ZNF804B: variants seen among roughly 807,000 people sequenced by gnomAD.
ZNF804B encodes zinc finger protein 804B.
ZNF804B carries 80 observed loss-of-function variants against 101.4 expected under a neutral mutation model. The observed-to-expected ratio is 0.79, with a 90% CI of 0.66 to 0.95. The LOEUF is 0.95. Ranked by LOEUF, ZNF804B falls within the 40% of genes least tolerant of loss-of-function variation. ZNF804B has a pLI of 0.00. For synonymous variants in ZNF804B, 622 were observed against 558.8 expected (o/e 1.11, Z -1.59); for missense variants, 1,673 against 1,561.9 (o/e 1.07, Z -1.20).
At chr7:89,231,577 CAT>C (rs1170557241) in intron 2 of ZNF804B, among the ~76,000 whole-genome samples, 1 of 152,008 alleles carries the variant, frequency 6.6e-6, no homozygotes, top group Non-Finnish European at 1.5e-5. Context: ...CCAATTTATA[CAT>C]ATATGTCTCT....
intron 1 of ZNF804B, among the ~76,000 whole-genome samples, chr7:88,874,127 G>C (rs1327045482): frequency 6.6e-6 from 1 of 152,064 alleles, no homozygotes; most frequent in African/African-American, 2.4e-5. Context: ...CCATTTGTTT[G>C]TATCCTCTTT....
chr7:89,308,067 G>T (rs1211319771), intron 2 of ZNF804B, among the ~76,000 whole-genome samples: 3 of 152,076 alleles, frequency 2.0e-5, no homozygotes, highest in Admixed American at 1.3e-4. Flanking sequence ...CTTCTGATCA[G>T]TTTCACTTGC....
intron 1 of ZNF804B, among the ~76,000 whole-genome samples, chr7:88,892,317 GT>G (rs1253892376): frequency 6.6e-6 from 1 of 151,862 alleles, no homozygotes; most frequent in Non-Finnish European, 1.5e-5. Context: ...GGGAGTATTT[GT>G]TTTTTGGGTT....
At chr7:88,925,163 T>G (rs962232224) in intron 1 of ZNF804B, among the ~76,000 whole-genome samples, 1 of 152,144 alleles carries the variant, frequency 6.6e-6, no homozygotes, top group Admixed American at 6.6e-5. Context: ...TAGCAATAAT[T>G]AGATCTTAGA....
chr7:89,249,170 A>T (rs988974196), intron 2 of ZNF804B, among the ~76,000 whole-genome samples: 1 of 152,198 alleles, frequency 6.6e-6, no homozygotes, highest in Non-Finnish European at 1.5e-5. Flanking sequence ...AGACCTATGG[A>T]AAGATGTAGA....
At chr7:88,973,028 T>C (rs188908857) in intron 1 of ZNF804B, among the ~76,000 whole-genome samples, 52 of 151,474 alleles carry the variant, frequency 3.4e-4, no homozygotes, top group African/African-American at 1.2e-3. Flanking sequence ...CACATAGATA[T>C]CCTGCAGTAA....
At position 89,334,083 on chromosome 7, in the gene ZNF804B, C is replaced by A; in HGVS notation, c.1101C>A (p.Phe367Leu). 1 of 1,613,696 alleles carries A rather than the reference C, an allele frequency of 6.2e-7. No homozygotes were observed. Among genetic ancestry groups the A allele is most frequent in the Non-Finnish European group, 8.5e-7 (1 of 1,179,820 alleles). The change falls in exon 4 of 4, where the codon TTC becomes TTA. Residue 367 changes from phenylalanine (F) to leucine (L), a missense_variant. Coordinates refer to ENST00000333190, the MANE Select transcript of ZNF804B (RefSeq NM_181646.5). Reference sequence around the variant, plus strand: ...ACCCATGCCAAGCAAATGCTTCCTTCAGCCCACCAAACATTTACAACCATA... The same window carrying A: ...ACCCATGCCAAGCAAATGCTTCCTTAAGCCCACCAAACATTTACAACCATA... ...VNHPCQANASFSPPNIYNHSD... is the reference protein window; with the variant it reads ...VNHPCQANASLSPPNIYNHSD...
rs970143624 is a variant in ZNF804B, at chr7:88,974,358, TAAG to T, written c.108+214277_108+214279del. Among the ~76,000 whole-genome samples, 3 of 151,336 alleles carry T rather than the reference TAAG, an allele frequency of 2.0e-5. No individual in the cohort carries two copies. In the Admixed American group the frequency reaches 2.0e-4, roughly 10 times the overall value. On this transcript the variant is annotated intron_variant, in intron 1 of 3. Coordinates refer to ENST00000333190, the MANE Select transcript of ZNF804B (RefSeq NM_181646.5). ...AATATATTGTATTATTGAAAGATGT[TAAG>T]AAAGTGGATGTAAAGCATTCTTACA...
chr7:88,868,050 T>TGTGTGTGTGTGTGTGA, intron 1 of ZNF804B, among the ~76,000 whole-genome samples: 1 of 38,452 alleles, frequency 2.6e-5, no homozygotes. Context: ...TGTGTGTGAG[T>TGTGTGTGTGTGTGTGA]GTGTGTGTGT....
intron 1 of ZNF804B, among the ~76,000 whole-genome samples, chr7:88,764,973 T>C (rs1789958394): frequency 6.6e-6 from 1 of 152,138 alleles, no homozygotes; most frequent in Admixed American, 6.5e-5. Flanking sequence ...TAAAGCAACC[T>C]CCTTTCTTGT....
intron 2 of ZNF804B, among the ~76,000 whole-genome samples, chr7:89,258,059 C>G (rs1354459013): frequency 6.6e-6 from 1 of 151,170 alleles, no homozygotes; most frequent in Non-Finnish European, 1.5e-5. Context: ...AAACTGAAGA[C>G]TGAACATATT....
chr7:88,853,947 A>C (rs1235916497), intron 1 of ZNF804B, among the ~76,000 whole-genome samples: 2 of 152,176 alleles, frequency 1.3e-5, no homozygotes, highest in Non-Finnish European at 2.9e-5. Context: ...GGGCTGTTAA[A>C]ATTAGATTTA....
intron 1 of ZNF804B, among the ~76,000 whole-genome samples, chr7:88,961,424 T>A (rs917199608): frequency 6.6e-6 from 1 of 151,378 alleles, no homozygotes; most frequent in African/African-American, 2.4e-5. Context: ...TAAATGAAGA[T>A]TGATTGCTGT....
intron 1 of ZNF804B, among the ~76,000 whole-genome samples, chr7:88,854,527 T>TTTCCTTTCCTTTCCTTCCTTTCC (rs1791519535): frequency 5.0e-5 from 2 of 40,072 alleles, no homozygotes; most frequent in African/African-American, 2.1e-4. Context: ...CTTTCCTTCC[T>TTTCCTTTCCTTTCCTTCCTTTCC]TTCCTTCCTT....
chr7:88,891,913 C>T (rs1394042108), intron 1 of ZNF804B, among the ~76,000 whole-genome samples: 5 of 152,018 alleles, frequency 3.3e-5, no homozygotes, highest in Non-Finnish European at 7.4e-5. Flanking sequence ...GTGATGTTCC[C>T]CTTCCTGTGT....
At chr7:89,304,920 GA>G (rs1790537378) in intron 2 of ZNF804B, among the ~76,000 whole-genome samples, 1 of 151,918 alleles carries the variant, frequency 6.6e-6, no homozygotes, top group South Asian at 2.1e-4. Context: ...ATTCAAAATT[GA>G]AAAAAGAATA....
intron 1 of ZNF804B, among the ~76,000 whole-genome samples, chr7:88,857,570 T>C (rs1488973931): frequency 6.6e-6 from 1 of 152,046 alleles, no homozygotes; most frequent in African/African-American, 2.4e-5. Flanking sequence ...CAGGAAGACA[T>C]TGAATCTGTG....
chr7:88,807,272 G>A (rs1790705875), intron 1 of ZNF804B, among the ~76,000 whole-genome samples: 1 of 151,912 alleles, frequency 6.6e-6, no homozygotes, highest in Non-Finnish European at 1.5e-5. Context: ...CTATTTAATA[G>A]TTAAGCATTT....
chr7:89,285,546 A>AAAGAAGAAG (rs774736524), intron 2 of ZNF804B, among the ~76,000 whole-genome samples: 123 of 93,442 alleles, frequency 1.3e-3, no homozygotes, highest in African/African-American at 5.6e-3. Context: ...AAAAAAAAAA[A>AAAGAAGAAG]AAGAAGAAGA....
Sources: allele counts gnomAD v4.1 joint callset (sites outside exome capture counted in the v4.1 genomes callset), GRCh38; gene constraint gnomAD v4.1.1; transcripts MANE v1.5; gene names NCBI Gene and HGNC (gene_info 2026-07-23, HGNC 2026-07-21).